SLC7A1: variants seen among roughly 807,000 people sequenced by gnomAD.
SLC7A1 encodes the protein solute carrier family 7 member 1, also known as high affinity cationic amino acid transporter 1.
SLC7A1 carries 10 observed loss-of-function variants against 53.9 expected under a neutral mutation model. The observed-to-expected ratio is 0.19, with a 90% CI of 0.11 to 0.31. The LOEUF is 0.31. SLC7A1 is among the 10% of genes least tolerant of loss of function. SLC7A1 has a pLI of 1.00. For missense variants in SLC7A1, 525 were observed against 827.2 expected, an observed-to-expected ratio of 0.63 and a Z score of 4.48; for synonymous variants, 342 against 338.7, an observed-to-expected ratio of 1.01 and a Z score of -0.11.
intron 12 of SLC7A1, 22 bp from the exon 13 acceptor site, chr13:29,514,605 G>A (rs372918029): frequency 1.8e-4 from 285 of 1,570,146 alleles, no homozygotes; most frequent in African/African-American, 1.5e-3. Flanking sequence ...CAGCAGAGAC[G>A]GGCGTGAACA....
At chr13:29,581,304 T>C (rs1205021108) in intron 1 of SLC7A1, among the ~76,000 whole-genome samples, 2 of 152,170 alleles carry the variant, frequency 1.3e-5, no homozygotes, top group African/African-American at 4.8e-5. Flanking sequence ...ATACAGAAGC[T>C]TGGGACCCCT....
intron 10 of SLC7A1, 61 bp downstream of exon 10, chr13:29,517,512 C>T: frequency 7.1e-7 from 1 of 1,413,348 alleles, no homozygotes; most frequent in Non-Finnish European, 1.0e-6. Flanking sequence ...AACTCCAGCT[C>T]CACTGCCTAG....
intron 2 of SLC7A1, among the ~76,000 whole-genome samples, chr13:29,552,273 T>C (rs1272078525): frequency 1.3e-5 from 2 of 151,096 alleles, no homozygotes; most frequent in Non-Finnish European, 2.9e-5. Context: ...ACACACACTT[T>C]CCCTCAACTG....
rs865780112 is a variant in SLC7A1, at chr13:29,519,689, G to C, written c.1190-140C>G. On this transcript the variant is annotated intron_variant, in intron 8 of 12. Coordinates refer to ENST00000380752, the MANE Select transcript of SLC7A1 (RefSeq NM_003045.5). Reference sequence around the variant, plus strand: ...CCCCTCCCTGGCCTTCCCATGGAAAGACACAGCTTAAAGGGAAGTCAAGCT... The same window carrying C: ...CCCCTCCCTGGCCTTCCCATGGAAACACACAGCTTAAAGGGAAGTCAAGCT... 7.2e-6 allele frequency: 4 copies of C among 556,738 alleles called. No individual in the cohort carries two copies. The Middle Eastern group carries it at 1.8e-3, about 245-fold the overall frequency. The allele number at this position is 556,738 out of a possible 1,614,324, so 34.5% of individuals were successfully genotyped here.
At chr13:29,592,490 A>T (rs1387579589) in intron 1 of SLC7A1, among the ~76,000 whole-genome samples, 1 of 152,260 alleles carries the variant, frequency 6.6e-6, no homozygotes, top group Non-Finnish European at 1.5e-5. Context: ...GAACACGGCT[A>T]GCAAGCCACC....
intron 7 of SLC7A1, 96 bp downstream of exon 7, chr13:29,523,170 G>A (rs2802240): frequency 0.97 from 939,671 of 970,912 alleles, 455,589 homozygotes; most frequent in Middle Eastern, 0.99. Flanking sequence ...GCTGGCAGCC[G>A]ATGTGTGTCT....
intron 6 of SLC7A1, 112 bp downstream of exon 6, chr13:29,524,020 A>G (rs1868761599): frequency 4.0e-6 from 4 of 1,009,674 alleles, no homozygotes; most frequent in Non-Finnish European, 3.0e-6. Context: ...CATGTTGCTC[A>G]TGTGTGAAAG....
intron 1 of SLC7A1, among the ~76,000 whole-genome samples, chr13:29,566,547 C>A (rs558399333): frequency 2.6e-5 from 4 of 152,278 alleles, no homozygotes; most frequent in African/African-American, 4.8e-5. Flanking sequence ...CCGTGTCATG[C>A]CACTTATATG....
chr13:29,594,214 C>A (rs906615393), intron 1 of SLC7A1, among the ~76,000 whole-genome samples: 1 of 152,236 alleles, frequency 6.6e-6, no homozygotes, highest in African/African-American at 2.4e-5. Context: ...TTAGGGCATT[C>A]GGCCAGAGGC....
intron 11 of SLC7A1, among the ~76,000 whole-genome samples, chr13:29,516,692 C>T (rs1241484029): frequency 1.3e-5 from 2 of 152,224 alleles, no homozygotes; most frequent in Non-Finnish European, 2.9e-5. Flanking sequence ...AGCATCCCAC[C>T]ACCCCGGAGG....
chr13:29,593,694 G>T (rs972138146), intron 1 of SLC7A1, among the ~76,000 whole-genome samples: 3 of 151,762 alleles, frequency 2.0e-5, no homozygotes, highest in Non-Finnish European at 4.4e-5. Flanking sequence ...TTCCATCAAA[G>T]AATGAGTTCT....
intron 2 of SLC7A1, among the ~76,000 whole-genome samples, chr13:29,540,996 T>C (rs1220995103): frequency 6.6e-6 from 1 of 151,924 alleles, no homozygotes; most frequent in African/African-American, 2.4e-5. Context: ...AGTCAAGGAG[T>C]GTTCCAGACT....
rs1445891175 is a variant in SLC7A1 at position 29,536,202 on chromosome 13, G to A, written c.-14C>T. The A allele has an allele frequency of 6.2e-6, 10 of 1,601,550 alleles. No individual in the cohort carries two copies. Among genetic ancestry groups the A allele is most frequent in the Non-Finnish European group, 8.5e-6 (10 of 1,171,276 alleles). The stretch of plus-strand genomic sequence containing the variant: ...TTTGCACCCCATGTTGCTGTTCAGA[G>A]CTGTTGAAAAAGAACAAAGATGTTT... On this transcript the variant is annotated splice_region_variant and 5_prime_UTR_variant, in exon 3 of 13. Coordinates refer to ENST00000380752, the MANE Select transcript of SLC7A1 (RefSeq NM_003045.5).
chr13:29,578,794 C>G (rs543466056), intron 1 of SLC7A1, among the ~76,000 whole-genome samples: 1 of 152,366 alleles, frequency 6.6e-6, no homozygotes, highest in African/African-American at 2.4e-5. Flanking sequence ...CCTGTCACAG[C>G]CTGTCAAAAG....
intron 1 of SLC7A1, 93 bp downstream of exon 1, chr13:29,595,323 G>T (rs1418329756): frequency 1.3e-5 from 2 of 151,576 alleles, no homozygotes; most frequent in Non-Finnish European, 2.9e-5. Context: ...CTCCCGCGCC[G>T]CCCTGCCGCG....
At chr13:29,591,247 T>G (rs929122995) in intron 1 of SLC7A1, among the ~76,000 whole-genome samples, 23 of 152,262 alleles carry the variant, frequency 1.5e-4, no homozygotes, top group South Asian at 4.1e-4. Flanking sequence ...TTATCTCATT[T>G]AAATCCTCTC....
chr13:29,552,318 C>T (rs761366156), intron 2 of SLC7A1, among the ~76,000 whole-genome samples: 1 of 151,792 alleles, frequency 6.6e-6, no homozygotes, highest in Non-Finnish European at 1.5e-5. Flanking sequence ...GATAAAATAT[C>T]AATGATAATG....
intron 1 of SLC7A1, among the ~76,000 whole-genome samples, chr13:29,579,073 GC>G (rs1871533967): frequency 6.6e-6 from 1 of 152,198 alleles, no homozygotes; most frequent in Non-Finnish European, 1.5e-5. Context: ...TCAACACAGA[GC>G]TTCGGCCAGA....
chr13:29,569,121 A>AATCGCATC (rs1871087748), intron 1 of SLC7A1, among the ~76,000 whole-genome samples: 1 of 152,134 alleles, frequency 6.6e-6, no homozygotes. Context: ...CCATGTCTGA[A>AATCGCATC]ATCGCATCCT....
Sources: allele counts gnomAD v4.1 joint callset (sites outside exome capture counted in the v4.1 genomes callset), GRCh38; gene constraint gnomAD v4.1.1; transcripts MANE v1.5; gene names NCBI Gene and HGNC (gene_info 2026-07-23, HGNC 2026-07-21).